WWOX: variants seen among roughly 807,000 people sequenced by gnomAD.
WWOX encodes WW domain containing oxidoreductase.
WWOX carries 69 observed loss-of-function variants against 46.2 expected under a neutral mutation model. That is an observed-to-expected ratio of 1.49 (90% CI 1.23 to 1.82). The LOEUF (loss-of-function observed/expected upper bound fraction) is 1.82. WWOX is among the 40% of genes most tolerant of loss of function. The pLI, the probability that WWOX is intolerant of heterozygous loss-of-function variation, is 0.00. For missense variants in WWOX, 919 were observed against 542.6 expected (o/e 1.69, Z -6.89); for synonymous variants, 359 against 202.6 (o/e 1.77, Z -6.56).
chr16:79,036,958 T>C (rs1318820344), intron 8 of WWOX, among the ~76,000 whole-genome samples: 1 of 152,192 alleles, frequency 6.6e-6, no homozygotes, highest in Non-Finnish European at 1.5e-5. Flanking sequence ...TTGGCTCCAT[T>C]TAGCCACACA....
chr16:79,082,273 C>T, intron 8 of WWOX, among the ~76,000 whole-genome samples: 1 of 152,186 alleles, frequency 6.6e-6, no homozygotes, highest in Non-Finnish European at 1.5e-5. Context: ...AGGAAAGAGT[C>T]AGATGGACTT....
chr16:78,756,385 C>G (rs1358369868), intron 8 of WWOX, among the ~76,000 whole-genome samples: 4 of 152,064 alleles, frequency 2.6e-5, no homozygotes, highest in African/African-American at 4.8e-5. Flanking sequence ...TGAGATAGGA[C>G]AGAACTCCAG....
intron 5 of WWOX, chr16:78,355,881 G>A: frequency 1.9e-6 from 1 of 523,722 alleles, no homozygotes; most frequent in Non-Finnish European, 3.6e-6. Flanking sequence ...TTGTACAGTG[G>A]CCTCTCTAAA....
intron 8 of WWOX, among the ~76,000 whole-genome samples, chr16:78,910,914 A>G (rs1308391270): frequency 6.6e-6 from 1 of 152,080 alleles, no homozygotes; most frequent in Admixed American, 6.5e-5. Context: ...AGTTATGCAT[A>G]TGTTGATCAG....
intron 8 of WWOX, among the ~76,000 whole-genome samples, chr16:78,884,445 A>G (rs962301809): frequency 7.9e-5 from 12 of 152,186 alleles, no homozygotes; most frequent in African/African-American, 2.7e-4. Flanking sequence ...CCACCCAGAT[A>G]TCTATCAGTG....
intron 4 of WWOX, among the ~76,000 whole-genome samples, chr16:78,122,666 G>A (rs1392828476): frequency 2.0e-5 from 3 of 150,874 alleles, no homozygotes; most frequent in African/African-American, 7.3e-5. Context: ...GTGCAGTGGC[G>A]TGATCTCAGC....
At chr16:78,686,540 C>T (rs901876657) in intron 8 of WWOX, among the ~76,000 whole-genome samples, 3 of 151,658 alleles carry the variant, frequency 2.0e-5, no homozygotes, top group Non-Finnish European at 4.4e-5. Context: ...GTTAGAAATG[C>T]ATATTTTCTG....
intron 8 of WWOX, among the ~76,000 whole-genome samples, chr16:78,749,756 T>C (rs1303864746): frequency 6.6e-6 from 1 of 152,212 alleles, no homozygotes; most frequent in Non-Finnish European, 1.5e-5. Flanking sequence ...GTATTGGATG[T>C]TCAAATCTCG....
At chr16:78,968,001 A>G (rs993059787) in intron 8 of WWOX, among the ~76,000 whole-genome samples, 5 of 152,216 alleles carry the variant, frequency 3.3e-5, no homozygotes, top group South Asian at 2.1e-4. Flanking sequence ...AAGAAGATGT[A>G]TAAGTGTATG....
chr16:78,406,837 G>A (rs2082560499), intron 6 of WWOX, among the ~76,000 whole-genome samples: 1 of 152,026 alleles, frequency 6.6e-6, no homozygotes, highest in African/African-American at 2.4e-5. Context: ...TGTTGGCTAA[G>A]GTGGTCTCAA....
intron 8 of WWOX, among the ~76,000 whole-genome samples, chr16:79,135,071 AT>A (rs2049957125): frequency 6.6e-6 from 1 of 152,246 alleles, no homozygotes; most frequent in East Asian, 1.9e-4. Flanking sequence ...CAAATAATAC[AT>A]AAACATTGTT....
At chr16:78,783,725 G>A (rs915904726) in intron 8 of WWOX, among the ~76,000 whole-genome samples, 63 of 76,978 alleles carry the variant, frequency 8.2e-4, no homozygotes, top group Non-Finnish European at 1.3e-3. Flanking sequence ...GGGTGATGAT[G>A]TTGATGTTGA....
chr16:78,322,392 T>C (rs1483327589), intron 5 of WWOX, among the ~76,000 whole-genome samples: 5 of 152,220 alleles, frequency 3.3e-5, no homozygotes, highest in Non-Finnish European at 7.3e-5. Flanking sequence ...TATATGATAA[T>C]AATGACTAGC....
intron 8 of WWOX, among the ~76,000 whole-genome samples, chr16:78,971,773 A>T (rs543126525): frequency 5.1e-4 from 78 of 151,574 alleles, no homozygotes; most frequent in African/African-American, 1.8e-3. Flanking sequence ...TTGGGTTCCA[A>T]ACTTTACCTG....
chr16:78,462,559 G>A (rs1290496356), intron 8 of WWOX, among the ~76,000 whole-genome samples: 1 of 152,192 alleles, frequency 6.6e-6, no homozygotes, highest in Non-Finnish European at 1.5e-5. Context: ...GTCTGCAAAT[G>A]ACAGCCGCCG....
chr16:78,847,168 A>G (rs568750554), intron 8 of WWOX, among the ~76,000 whole-genome samples: 2 of 152,270 alleles, frequency 1.3e-5, no homozygotes, highest in South Asian at 2.1e-4. Context: ...GGTTCGTTTT[A>G]TTATAGAATC....
chr16:79,188,775 C>T (rs1414167841), intron 8 of WWOX, among the ~76,000 whole-genome samples: 1 of 152,212 alleles, frequency 6.6e-6, no homozygotes, highest in African/African-American at 2.4e-5. Flanking sequence ...CCACATTCTT[C>T]CCTACAGACA....
chr16:78,668,226 G>A (rs1234601396), intron 8 of WWOX, among the ~76,000 whole-genome samples: 1 of 151,758 alleles, frequency 6.6e-6, no homozygotes, highest in Non-Finnish European at 1.5e-5. Context: ...GTTGCAGTCA[G>A]CCGAGATCTA....
chr16:79,102,335 T>C (rs1362237161), intron 8 of WWOX, among the ~76,000 whole-genome samples: 2 of 152,120 alleles, frequency 1.3e-5, no homozygotes, highest in African/African-American at 4.8e-5. Flanking sequence ...ATCTGTTAAA[T>C]GGGCAAACTG....
Sources: allele counts gnomAD v4.1 joint callset (sites outside exome capture counted in the v4.1 genomes callset), GRCh38; gene constraint gnomAD v4.1.1; transcripts MANE v1.5; gene names NCBI Gene and HGNC (gene_info 2026-07-23, HGNC 2026-07-21).